Variants in PPP1R12B observed in about 807,000 individuals in gnomAD.
PPP1R12B encodes the protein protein phosphatase 1 regulatory subunit 12B, also known as myosin phosphatase target subunit 2.
PPP1R12B carries 76 observed loss-of-function variants against 126.1 expected under a neutral mutation model. The observed-to-expected ratio is 0.60, with a 90% CI of 0.50 to 0.73. The LOEUF is 0.73. PPP1R12B is among the 30% of genes least tolerant of loss of function. PPP1R12B has a pLI of 0.00. For missense variants in PPP1R12B, 1,052 were observed against 1,205.1 expected, an observed-to-expected ratio of 0.87 and a Z score of 1.88; for synonymous variants, 356 against 434.7, an observed-to-expected ratio of 0.82 and a Z score of 2.25.
At position 202,588,855 on chromosome 1, in the gene PPP1R12B, A is replaced by C. The variant is rs1447510828; in HGVS notation, c.*8295A>C. On this transcript the variant is annotated 3_prime_UTR_variant, in exon 24 of 24. Coordinates refer to ENST00000608999, the MANE Select transcript of PPP1R12B (RefSeq NM_002481.4). ...GATAGATAGATAGATAGATAGATAG[A>C]TAGATAGATAGATAGATATCAAGGT... is the stretch of plus-strand genomic sequence containing the variant. 1.4e-5 allele frequency: 2 copies of C among 145,418 alleles called. No homozygotes were observed. Among genetic ancestry groups the C allele is most frequent in the African/African-American group, 5.6e-5 (2 of 35,730 alleles). The allele number at this position is 145,418 out of a possible 1,614,324, so 9.0% of individuals were successfully genotyped here.
rs1670578479 is a variant in PPP1R12B, at chr1:202,434,649, A to G, written c.1142-7A>G. 1.9e-6 allele frequency: 3 copies of G among 1,607,384 alleles called. No individual in the cohort carries two copies. Among genetic ancestry groups the G allele is most frequent in the African/African-American group, 1.3e-5 (1 of 74,376 alleles). ...GTACTTGTTAATTCTCTTGTCTTAAATAACAGATAAAAAGCCAGAAGCCTT... is the reference window on the plus strand; with the variant it reads ...GTACTTGTTAATTCTCTTGTCTTAAGTAACAGATAAAAAGCCAGAAGCCTT... On this transcript the variant is annotated splice_polypyrimidine_tract_variant and splice_region_variant and intron_variant, in intron 8 of 23. Transcript: ENST00000608999.
intron 2 of PPP1R12B, among the ~76,000 whole-genome samples, chr1:202,421,823 T>A (rs1245993389): frequency 1.3e-5 from 2 of 152,192 alleles, no homozygotes; most frequent in Non-Finnish European, 1.5e-5. Flanking sequence ...AGTGACTTGA[T>A]CTAAAGAAAA....
At chr1:202,452,395 C>T (rs1210271245) in intron 13 of PPP1R12B, among the ~76,000 whole-genome samples, 3 of 152,302 alleles carry the variant, frequency 2.0e-5, no homozygotes, top group Non-Finnish European at 2.9e-5. Context: ...CAAAAAAATA[C>T]GAAAACCAGT....
chr1:202,376,550 AAAAC>A (rs1661201353), intron 1 of PPP1R12B, among the ~76,000 whole-genome samples: 1 of 152,240 alleles, frequency 6.6e-6, no homozygotes, highest in African/African-American at 2.4e-5. Flanking sequence ...TAGTAAGAAT[AAAAC>A]AAACTAAATT....
intron 19 of PPP1R12B, 130 bp from the exon 20 acceptor site, chr1:202,562,648 G>A (rs370119448): frequency 9.7e-7 from 1 of 1,031,288 alleles, no homozygotes; most frequent in Non-Finnish European, 1.5e-6. Context: ...AGGAAAGAAT[G>A]TTATGAGTTG....
rs1688989021 is a variant in PPP1R12B at position 202,575,234 on chromosome 1, T to G, written c.2863-5240T>G. Reference sequence around the variant, plus strand: ...AGAAGCTCTGTGCTCATCCCCTCCATCCGAGCCTCCATATGCAGGTTCCTG... The same window carrying G: ...AGAAGCTCTGTGCTCATCCCCTCCAGCCGAGCCTCCATATGCAGGTTCCTG... On this transcript the variant is annotated intron_variant, in intron 23 of 23. Coordinates refer to ENST00000608999, the MANE Select transcript of PPP1R12B (RefSeq NM_002481.4). The G allele has an allele frequency of 2.1e-6, 3 of 1,436,982 alleles. No individual in the cohort carries two copies. The Admixed American group carries it at 6.6e-5, about 32-fold the overall frequency. The allele number at this position is 1,436,982 out of a possible 1,614,324, so 89.0% of individuals were successfully genotyped here. A position where few individuals can be genotyped will look rare whatever the true frequency, so the allele number is the denominator to read the frequency against.
At chr1:202,394,202 G>T (rs1211326463) in intron 1 of PPP1R12B, among the ~76,000 whole-genome samples, 2 of 152,000 alleles carry the variant, frequency 1.3e-5, no homozygotes, top group African/African-American at 2.4e-5. Flanking sequence ...GCCGGGCATG[G>T]TGGCAGTGAG....
chr1:202,558,150 A>G (rs1021612799), intron 18 of PPP1R12B, among the ~76,000 whole-genome samples: 9 of 151,778 alleles, frequency 5.9e-5, no homozygotes, highest in East Asian at 1.9e-4. Context: ...AAAAAAAAAA[A>G]GGGATAGGAG....
chr1:202,437,687 C>T lies in PPP1R12B; in HGVS notation c.1255-134C>T. On this transcript the variant is annotated intron_variant, in intron 9 of 23. Coordinates refer to ENST00000608999, the MANE Select transcript of PPP1R12B (RefSeq NM_002481.4). ...GAGGGAGGGAACATGGGCAGAAAGA[C>T]TGCCATGTATTTGTTCTTCTTAGCT... 7.9e-6 allele frequency: 6 copies of T among 761,194 alleles called. No individual in the cohort carries two copies. The South Asian group carries it at 1.1e-4, about 15-fold the overall frequency. The allele number at this position is 761,194 out of a possible 1,614,324, so 47.2% of individuals were successfully genotyped here.
intron 14 of PPP1R12B, among the ~76,000 whole-genome samples, chr1:202,489,872 GA>G (rs1678640628): frequency 1.3e-5 from 2 of 152,182 alleles, no homozygotes; most frequent in African/African-American, 4.8e-5. Flanking sequence ...GTTACAAAAG[GA>G]ATCCCTGAGG....
intron 18 of PPP1R12B, among the ~76,000 whole-genome samples, chr1:202,555,664 ATGTGGAAAGTACATC>A (rs1198727022): frequency 2.6e-5 from 4 of 152,084 alleles, no homozygotes; most frequent in African/African-American, 9.7e-5. Context: ...ACCTAAGACG[ATGTGGAAAGTACATC>A]TTTGGAAAGA....
chr1:202,364,676 A>T (rs1246231124), intron 1 of PPP1R12B, among the ~76,000 whole-genome samples: 1 of 152,032 alleles, frequency 6.6e-6, no homozygotes, highest in Admixed American at 6.6e-5. Context: ...TCCTGGGTTC[A>T]CGCCATTCTC....
chr1:202,556,755 TC>T (rs1270233550), intron 18 of PPP1R12B, among the ~76,000 whole-genome samples: 1 of 152,240 alleles, frequency 6.6e-6, no homozygotes, highest in Non-Finnish European at 1.5e-5. Context: ...TTCTGCTTCT[TC>T]CTCAGTGCCT....
intron 18 of PPP1R12B, among the ~76,000 whole-genome samples, chr1:202,535,761 G>T (rs1273975774): frequency 6.6e-6 from 1 of 152,120 alleles, no homozygotes; most frequent in African/African-American, 2.4e-5. Flanking sequence ...GAAGTCTGTG[G>T]TCAAGAATAT....
intron 2 of PPP1R12B, chr1:202,417,266 G>C (rs1668202334): frequency 2.0e-6 from 2 of 985,186 alleles, no homozygotes; most frequent in South Asian, 9.4e-5. Context: ...TGGATTCTTT[G>C]TAAACCTATT....
At position 202,434,680 on chromosome 1, in the gene PPP1R12B, A is replaced by G. The variant is rs145355178; in HGVS notation, c.1166A>G (p.Asn389Ser). 242 of 1,612,740 alleles carry G rather than the reference A, an allele frequency of 1.5e-4. No homozygotes were observed. Among genetic ancestry groups the G allele is most frequent in the Middle Eastern group, 8.2e-4 (5 of 6,084 alleles). ...GATAAAAAGCCAGAAGCCTTTGTCA[A>G]TCATTCCAACTCTGAAAGCAAGAGT... is the stretch of plus-strand genomic sequence containing the variant. ...EADKKPEAFV[N>S]HSNSESKSSI... The change falls in exon 9 of 24, where the codon AAT becomes AGT. Residue 389 changes from asparagine (N) to serine (S), a missense_variant. Physicochemically the swap from Asn to Ser is conservative, Grantham distance 46 (BLOSUM62 1). Coordinates refer to ENST00000608999, the MANE Select transcript of PPP1R12B (RefSeq NM_002481.4).
intron 1 of PPP1R12B, among the ~76,000 whole-genome samples, chr1:202,371,047 A>C (rs1571642953): frequency 2.5e-5 from 3 of 118,956 alleles, no homozygotes; most frequent in Non-Finnish European, 3.2e-5. Flanking sequence ...TCTCTGTCTC[A>C]CTCTGCCACT....
At chr1:202,515,582 G>A (rs560401615) in intron 18 of PPP1R12B, among the ~76,000 whole-genome samples, 3 of 152,022 alleles carry the variant, frequency 2.0e-5, no homozygotes, top group Non-Finnish European at 2.9e-5. Context: ...TTTGGTTTTT[G>A]CACACAGGAT....
intron 13 of PPP1R12B, among the ~76,000 whole-genome samples, chr1:202,470,852 C>T (rs1675767730): frequency 6.6e-6 from 1 of 150,916 alleles, no homozygotes; most frequent in South Asian, 2.1e-4. Flanking sequence ...CTGTAGTGAG[C>T]TATGATCATG....
Sources: allele counts gnomAD v4.1 joint callset (sites outside exome capture counted in the v4.1 genomes callset), GRCh38; gene constraint gnomAD v4.1.1; transcripts MANE v1.5; gene names NCBI Gene and HGNC (gene_info 2026-07-23, HGNC 2026-07-21).